Variants in PIK3R4 observed in about 807,000 individuals in gnomAD.
PIK3R4 encodes the protein phosphoinositide 3-kinase regulatory subunit 4.
In PIK3R4, 46 loss-of-function variants were observed where a neutral mutation model predicts 136.5. That is an observed-to-expected ratio of 0.34 (90% CI 0.27 to 0.43). The LOEUF is 0.43. Ranked by LOEUF, PIK3R4 falls within the 20% of genes least tolerant of loss-of-function variation. The probability of loss-of-function intolerance (pLI) is 1.00; values close to 1 mark genes in which losing one functional copy is unlikely to be tolerated. For synonymous variants in PIK3R4, 557 were observed against 566.7 expected (o/e 0.98, Z 0.24); for missense variants, 1,331 against 1,649.5 (o/e 0.81, Z 3.35).
chr3:130,709,151 C>A (rs2066621504), intron 9 of PIK3R4, among the ~76,000 whole-genome samples: 1 of 152,080 alleles, frequency 6.6e-6, no homozygotes, highest in South Asian at 2.1e-4. Flanking sequence ...ATTACTGGCA[C>A]CCATCTTATC....
At chr3:130,738,502 C>T (rs905082923) in intron 2 of PIK3R4, among the ~76,000 whole-genome samples, 1 of 152,106 alleles carries the variant, frequency 6.6e-6, no homozygotes, top group Non-Finnish European at 1.5e-5. Flanking sequence ...ACACACACTA[C>T]ATATATTGCC....
Position 130,746,571 on chromosome 3 carries a change from A to G in PIK3R4, c.-300T>C, listed in dbSNP as rs573627640. Reference sequence around the variant, plus strand: ...CAGCAGAGAGAAGAAGCCACGCTAAAGAGTCTCCACAAGTACCCCGGGATT... The same window carrying G: ...CAGCAGAGAGAAGAAGCCACGCTAAGGAGTCTCCACAAGTACCCCGGGATT... On this transcript the variant is annotated 5_prime_UTR_variant, in exon 1 of 20. Transcript: ENST00000356763. The G allele has an allele frequency of 6.8e-4, 104 of 152,378 alleles. No homozygotes were observed. The highest frequency in any genetic ancestry group is 2.1e-3 in the African/African-American group (87 of 41,544). The allele number at this position is 152,378 out of a possible 1,614,324, so 9.4% of individuals were successfully genotyped here.
rs770589257 is a variant in PIK3R4 at position 130,744,849 on chromosome 3, C to T, written c.370G>A (p.Glu124Lys). 6.2e-7 allele frequency: 1 copy of T among 1,614,234 alleles called. No individual in the cohort carries two copies. ...ATCTGGAAAGCAATCCAGCGCTTCT[C>T]AATGTTATTCAAGAATGGACGGGTA... ...ISTRPFLNNI[E>K]KRWIAFQILT... The change falls in exon 2 of 20, where the codon GAG (glutamate) becomes AAG (lysine). Residue 124 changes from glutamate (E) to lysine (K), a missense_variant. Glu to Lys is a moderately conservative substitution (Grantham distance 56). Transcript: ENST00000356763.
Position 130,708,272 on chromosome 3 carries a change from CACAA to C in PIK3R4, c.2533+15_2533+18del, listed in dbSNP as rs1475103353. On this transcript the variant is annotated intron_variant, in intron 10 of 19. Coordinates refer to ENST00000356763, the MANE Select transcript of PIK3R4 (RefSeq NM_014602.3). The stretch of plus-strand genomic sequence containing the variant: ...AACTAACAACAACAAGCTACACACA[CACAA>C]ACAAGCATACTAACCCCGTTTGTCA... 1 of 1,592,394 alleles carries C rather than the reference CACAA, an allele frequency of 6.3e-7. No homozygotes were observed. The highest frequency in any genetic ancestry group is 2.2e-5 in the East Asian group (1 of 44,726).
rs1237461811 is a variant in PIK3R4, at chr3:130,746,686, C to T, written c.-415G>A. 1 of 152,320 alleles carries T rather than the reference C, an allele frequency of 6.6e-6. No homozygotes were observed. Among genetic ancestry groups the T allele is most frequent in the Non-Finnish European group, 1.5e-5 (1 of 68,142 alleles). 9.4% of individuals were successfully genotyped at this position (152,320 alleles called of 1,614,324 possible). A position where few individuals can be genotyped will look rare whatever the true frequency, so the allele number is the denominator to read the frequency against. On this transcript the variant is annotated 5_prime_UTR_variant, in exon 1 of 20. Coordinates refer to ENST00000356763, the MANE Select transcript of PIK3R4 (RefSeq NM_014602.3). ...CGCGGATCGCTACACCCGTCCGAGC[C>T]CTCCTCGAGGGCCTCACCACCGGGC...
chr3:130,727,283 C>T (rs1463716602), intron 6 of PIK3R4, among the ~76,000 whole-genome samples: 6 of 151,778 alleles, frequency 4.0e-5, no homozygotes, highest in Non-Finnish European at 8.8e-5. Context: ...TGCAGTGGCG[C>T]AATCTCAGCT....
intron 8 of PIK3R4, among the ~76,000 whole-genome samples, chr3:130,717,858 T>G (rs1455325674): frequency 2.0e-5 from 3 of 152,232 alleles, no homozygotes; most frequent in African/African-American, 7.2e-5. Flanking sequence ...ACTGAAAATC[T>G]AGGTGAATAA....
chr3:130,679,647 C>T (rs535832390), intron 19 of PIK3R4, among the ~76,000 whole-genome samples, 162 bp from the exon 20 acceptor site: 43 of 152,056 alleles, frequency 2.8e-4, no homozygotes, highest in Non-Finnish European at 5.0e-4. Context: ...GTAGAGGAGC[C>T]AAAATGACAT....
chr3:130,698,290 G>T (rs903517402), intron 13 of PIK3R4, among the ~76,000 whole-genome samples: 8 of 152,064 alleles, frequency 5.3e-5, no homozygotes, highest in Non-Finnish European at 1.0e-4. Context: ...TATTCTTTCT[G>T]TCCCCTTTTC....
At chr3:130,686,519 A>G (rs777347604) in intron 14 of PIK3R4, 97 bp from the exon 15 acceptor site, 45 of 736,260 alleles carry the variant, frequency 6.1e-5, no homozygotes, top group Non-Finnish European at 8.9e-5. Flanking sequence ...TAGTCAAGAA[A>G]CCAGAGCTAT....
chr3:130,735,816 T>C (rs1173210984), intron 3 of PIK3R4, 53 bp downstream of exon 3: 1 of 1,504,236 alleles, frequency 6.6e-7, no homozygotes, highest in Non-Finnish European at 9.0e-7. Context: ...AAAGCAAAAG[T>C]GGGAACTAGA....
chr3:130,745,658 CAA>C (rs1198500279), intron 1 of PIK3R4, among the ~76,000 whole-genome samples: 1 of 152,148 alleles, frequency 6.6e-6, no homozygotes, highest in Non-Finnish European at 1.5e-5. Flanking sequence ...ATGAGAATTA[CAA>C]AGTTACCATA....
chr3:130,728,104 A>C (rs2066743274), intron 6 of PIK3R4, among the ~76,000 whole-genome samples: 1 of 152,226 alleles, frequency 6.6e-6, no homozygotes, highest in African/African-American at 2.4e-5. Context: ...TTATAAACAT[A>C]TATGATTTCT....
intron 13 of PIK3R4, among the ~76,000 whole-genome samples, chr3:130,694,365 G>A (rs550660537): frequency 2.3e-4 from 35 of 151,614 alleles, no homozygotes; most frequent in Non-Finnish European, 4.9e-4. Context: ...TGTACATCGA[G>A]AGATCTGCCA....
intron 14 of PIK3R4, among the ~76,000 whole-genome samples, chr3:130,687,717 T>C (rs778211024): frequency 2.0e-4 from 30 of 152,194 alleles, no homozygotes; most frequent in Non-Finnish European, 3.5e-4. Flanking sequence ...ACTACAATTA[T>C]TTATTTTGTT....
At chr3:130,707,409 T>C (rs11709951) in intron 10 of PIK3R4, among the ~76,000 whole-genome samples, 31,134 of 151,984 alleles carry the variant, frequency 0.2, 3,413 homozygotes, top group South Asian at 0.36. Flanking sequence ...CAATTTCAAG[T>C]AACCACTATA....
chr3:130,734,756 G>A (rs1331072659), intron 3 of PIK3R4, among the ~76,000 whole-genome samples: 2 of 152,150 alleles, frequency 1.3e-5, no homozygotes, highest in South Asian at 2.1e-4. Context: ...TAGTATCATA[G>A]GGAAATAAAT....
chr3:130,728,121 G>C (rs2066743347), intron 6 of PIK3R4, among the ~76,000 whole-genome samples: 2 of 151,960 alleles, frequency 1.3e-5, no homozygotes, highest in African/African-American at 4.8e-5. Flanking sequence ...TTCTGTTATT[G>C]TTACCTTTAC....
chr3:130,737,428 G>A (rs1477567075), intron 2 of PIK3R4, among the ~76,000 whole-genome samples: 1 of 152,222 alleles, frequency 6.6e-6, no homozygotes, highest in African/African-American at 2.4e-5. Flanking sequence ...GGGAGGCCAA[G>A]GCAGGTAGAT....
Sources: allele counts gnomAD v4.1 joint callset (sites outside exome capture counted in the v4.1 genomes callset), GRCh38; gene constraint gnomAD v4.1.1; transcripts MANE v1.5; gene names NCBI Gene and HGNC (gene_info 2026-07-23, HGNC 2026-07-21).